The following LRRC4C variants were observed in gnomAD, a reference collection of about 807,000 sequenced individuals.
The protein encoded by LRRC4C is leucine-rich repeat-containing protein 4C.
LRRC4C carries 5 observed loss-of-function variants against 33.6 expected under a neutral mutation model. The ratio of observed to expected loss-of-function variants is 0.15; its 90% CI spans 0.08 to 0.31. The LOEUF (loss-of-function observed/expected upper bound fraction) is 0.31. LRRC4C is among the 10% of genes least tolerant of loss of function. The pLI is 1.00. For missense variants in LRRC4C, 560 were observed against 796.7 expected (o/e 0.70, Z 3.58); for synonymous variants, 329 against 302.0 (o/e 1.09, Z -0.93).
intron 1 of LRRC4C, among the ~76,000 whole-genome samples, chr11:41,288,789 G>A (rs1263822912): frequency 3.3e-5 from 5 of 152,138 alleles, no homozygotes; most frequent in Non-Finnish European, 1.5e-5. Flanking sequence ...TTCCTCAAAT[G>A]TTACATCATT....
intron 1 of LRRC4C, among the ~76,000 whole-genome samples, chr11:41,220,112 C>T (rs1304913128): frequency 1.3e-5 from 2 of 151,942 alleles, no homozygotes; most frequent in African/African-American, 2.4e-5. Flanking sequence ...GTATAAATTG[C>T]CTGAGGAAGG....
Position 40,409,799 on chromosome 11 carries a change from A to G in LRRC4C, c.-269-90078T>C, listed in dbSNP as rs532379204. On this transcript the variant is annotated intron_variant, in intron 3 of 6. Transcript: ENST00000528697. The stretch of plus-strand genomic sequence containing the variant: ...TGTTGATGGGAATGTAAATTAGTAT[A>G]AGCATTATGGGAAATGATATGGAGG... 1.3e-4 allele frequency among the ~76,000 whole-genome samples: 20 copies of G among 152,222 alleles called. No homozygotes were observed. In the East Asian group the frequency reaches 3.7e-3, roughly 28 times the overall value.
At chr11:40,661,924 T>G (rs184998141) in intron 2 of LRRC4C, among the ~76,000 whole-genome samples, 1 of 152,264 alleles carries the variant, frequency 6.6e-6, no homozygotes, top group African/African-American at 2.4e-5. Flanking sequence ...AAGTAAAGAA[T>G]GAAATCCATG....
At chr11:41,043,735 T>C (rs1857588637) in intron 1 of LRRC4C, among the ~76,000 whole-genome samples, 3 of 152,172 alleles carry the variant, frequency 2.0e-5, no homozygotes, top group African/African-American at 7.2e-5. Flanking sequence ...ATGTCATTTT[T>C]AACATTTATT....
At chr11:41,090,041 A>G (rs2135539778) in intron 1 of LRRC4C, among the ~76,000 whole-genome samples, 1 of 152,230 alleles carries the variant, frequency 6.6e-6, no homozygotes, top group South Asian at 2.1e-4. Context: ...GAAAGACTAA[A>G]TGTCCAAATA....
At chr11:41,262,523 G>T (rs1486788600) in intron 1 of LRRC4C, among the ~76,000 whole-genome samples, 1 of 151,904 alleles carries the variant, frequency 6.6e-6, no homozygotes, top group Non-Finnish European at 1.5e-5. Context: ...TTGGAGTCCT[G>T]CACGGACATA....
At chr11:41,205,050 T>C (rs1314770535) in intron 1 of LRRC4C, among the ~76,000 whole-genome samples, 1 of 152,148 alleles carries the variant, frequency 6.6e-6, no homozygotes, top group Non-Finnish European at 1.5e-5. Context: ...AAATGTTTGG[T>C]AATTGTAAAT....
intron 1 of LRRC4C, among the ~76,000 whole-genome samples, chr11:41,153,359 G>A (rs1384863759): frequency 5.9e-5 from 9 of 152,070 alleles, no homozygotes; most frequent in Non-Finnish European, 1.0e-4. Flanking sequence ...CTAGAACACA[G>A]TACATGACTC....
chr11:41,115,414 T>C (rs1415291339), intron 1 of LRRC4C, among the ~76,000 whole-genome samples: 1 of 151,880 alleles, frequency 6.6e-6, no homozygotes, highest in Non-Finnish European at 1.5e-5. Flanking sequence ...GACATTCTAG[T>C]GATTTTGCTC....
At chr11:41,372,632 C>G (rs147534199) in intron 1 of LRRC4C, among the ~76,000 whole-genome samples, 206 of 152,202 alleles carry the variant, frequency 1.4e-3, no homozygotes, top group Middle Eastern at 3.4e-3. Flanking sequence ...GATACTCTCA[C>G]CCATTTCTGA....
chr11:41,173,973 C>T (rs1656990744), intron 1 of LRRC4C, among the ~76,000 whole-genome samples: 1 of 151,886 alleles, frequency 6.6e-6, no homozygotes, highest in South Asian at 2.1e-4. Flanking sequence ...TTCTGCATTC[C>T]CAAATACATA....
intron 1 of LRRC4C, among the ~76,000 whole-genome samples, chr11:41,129,539 A>T (rs1942914044): frequency 6.6e-6 from 1 of 152,050 alleles, no homozygotes; most frequent in Non-Finnish European, 1.5e-5. Flanking sequence ...ATTTACTAAT[A>T]GAATGTTTTT....
intron 3 of LRRC4C, among the ~76,000 whole-genome samples, chr11:40,381,372 C>G (rs1016106011): frequency 6.6e-6 from 1 of 152,000 alleles, no homozygotes; most frequent in Non-Finnish European, 1.5e-5. Flanking sequence ...TTCTATAATT[C>G]TGCCCTAGAA....
chr11:40,312,534 G>A (rs1945366171), intron 4 of LRRC4C, among the ~76,000 whole-genome samples: 1 of 152,110 alleles, frequency 6.6e-6, no homozygotes, highest in Non-Finnish European at 1.5e-5. Context: ...ACTGGGTTAA[G>A]TAAACTCCTC....
chr11:40,415,030 C>T (rs1365197315), intron 3 of LRRC4C, among the ~76,000 whole-genome samples: 1 of 152,196 alleles, frequency 6.6e-6, no homozygotes, highest in Non-Finnish European at 1.5e-5. Flanking sequence ...AGATTTTAAA[C>T]TCCTAGTCTG....
intron 1 of LRRC4C, among the ~76,000 whole-genome samples, chr11:41,045,112 A>G (rs1403336732): frequency 1.3e-5 from 2 of 152,122 alleles, no homozygotes. Flanking sequence ...TTTACTGGCC[A>G]GGAATATACG....
At chr11:41,229,485 A>G (rs555065342) in intron 1 of LRRC4C, among the ~76,000 whole-genome samples, 16 of 152,236 alleles carry the variant, frequency 1.1e-4, no homozygotes, top group African/African-American at 3.9e-4. Context: ...GTGTCATTGC[A>G]TATTCACCTC....
At chr11:40,899,279 T>G (rs1357351402) in intron 2 of LRRC4C, among the ~76,000 whole-genome samples, 1 of 152,094 alleles carries the variant, frequency 6.6e-6, no homozygotes, top group South Asian at 2.1e-4. Flanking sequence ...TTCCTTACAC[T>G]AGAAGTAGCT....
rs185645507 is a variant in LRRC4C at position 41,268,207 on chromosome 11, C to T, written c.-496+191224G>A. Reference sequence around the variant, plus strand: ...TACAGAGCCCCAGTTCTGCTGGGGGCCTGCCATGCTCTGGAGTCGTATTCT... The same window carrying T: ...TACAGAGCCCCAGTTCTGCTGGGGGTCTGCCATGCTCTGGAGTCGTATTCT... On this transcript the variant is annotated intron_variant, in intron 1 of 6. Coordinates refer to ENST00000528697, the MANE Select transcript of LRRC4C (RefSeq NM_001258419.2). 2.5e-3 allele frequency among the ~76,000 whole-genome samples: 386 copies of T among 152,146 alleles called. 3 individuals are homozygous for T. The highest frequency in any genetic ancestry group is 8.6e-3 in the African/African-American group (358 of 41,542).
Sources: allele counts gnomAD v4.1 joint callset (sites outside exome capture counted in the v4.1 genomes callset), GRCh38; gene constraint gnomAD v4.1.1; transcripts MANE v1.5; gene names NCBI Gene and HGNC (gene_info 2026-07-23, HGNC 2026-07-21).